Variants in BMPER observed in about 807,000 individuals in gnomAD.
BMPER encodes the protein BMP binding endothelial regulator, also known as BMP-binding endothelial regulator protein.
In BMPER, 45 loss-of-function variants were observed where a neutral mutation model predicts 87.3. That is an observed-to-expected ratio of 0.52 (90% CI 0.41 to 0.66). BMPER has a LOEUF of 0.66. BMPER is among the 30% of genes least tolerant of loss of function. The probability of loss-of-function intolerance (pLI) is 0.00; values close to 1 mark genes in which losing one functional copy is unlikely to be tolerated. For synonymous variants in BMPER, 326 were observed against 316.2 expected (o/e 1.03, Z -0.33); for missense variants, 784 against 867.5 (o/e 0.90, Z 1.21).
At chr7:34,006,254 A>G (rs1382687902) in intron 6 of BMPER, among the ~76,000 whole-genome samples, 1 of 152,112 alleles carries the variant, frequency 6.6e-6, no homozygotes, top group African/African-American at 2.4e-5. Context: ...AAATCTATAC[A>G]CAATGCTAAT....
chr7:34,103,516 T>C (rs1276442626), intron 13 of BMPER, among the ~76,000 whole-genome samples: 1 of 152,168 alleles, frequency 6.6e-6, no homozygotes, highest in South Asian at 2.1e-4. Context: ...CGAGAGAAGA[T>C]TGTTTTCCTC....
intron 2 of BMPER, among the ~76,000 whole-genome samples, chr7:33,911,710 AG>A: frequency 6.6e-6 from 1 of 152,202 alleles, no homozygotes; most frequent in East Asian, 1.9e-4. Context: ...TCATCTGGAG[AG>A]TGGGATGGAT....
At chr7:34,045,595 C>T (rs1007741564) in intron 6 of BMPER, among the ~76,000 whole-genome samples, 4 of 152,152 alleles carry the variant, frequency 2.6e-5, no homozygotes, top group African/African-American at 9.7e-5. Context: ...TCTGCCAGTT[C>T]GTCTCATATC....
intron 3 of BMPER, among the ~76,000 whole-genome samples, chr7:33,964,072 A>G (rs188460014): frequency 1.3e-4 from 20 of 152,360 alleles, no homozygotes; most frequent in East Asian, 3.9e-4. Flanking sequence ...TGGAGTACAT[A>G]TAAGGTTTTC....
At chr7:33,931,927 A>G (rs1030731645) in intron 2 of BMPER, among the ~76,000 whole-genome samples, 68 of 152,344 alleles carry the variant, frequency 4.5e-4, no homozygotes, top group African/African-American at 1.6e-3. Context: ...TCACTGTGCC[A>G]GAAGTTACAC....
intron 2 of BMPER, among the ~76,000 whole-genome samples, chr7:33,930,843 C>T (rs73317698): frequency 0.018 from 2,766 of 152,222 alleles, 81 homozygotes; most frequent in African/African-American, 0.063. Flanking sequence ...CCAGCTACTT[C>T]TGGAGGCTGA....
In BMPER at chr7:33,974,804, T is replaced by A. The variant is rs776906308; in HGVS notation, c.576+20T>A. 4 of 1,610,866 alleles carry A rather than the reference T, an allele frequency of 2.5e-6. No homozygotes were observed. The Admixed American group carries it at 5.0e-5, about 20-fold the overall frequency. On this transcript the variant is annotated intron_variant, in intron 6 of 14. Transcript: ENST00000649409. ...TGCACTGTAAGTCCTGCTGTGGATG[T>A]TCCCAGGGTGTCCTTTGGGCAAAGC... is the stretch of plus-strand genomic sequence containing the variant.
chr7:33,925,220 T>A (rs1159560701), intron 2 of BMPER, among the ~76,000 whole-genome samples: 1 of 152,194 alleles, frequency 6.6e-6, no homozygotes, highest in Non-Finnish European at 1.5e-5. Context: ...TGCCATTGGG[T>A]TTAATTTTTT....
At chr7:34,121,279 G>A (rs1243659088) in intron 13 of BMPER, among the ~76,000 whole-genome samples, 1 of 152,116 alleles carries the variant, frequency 6.6e-6, no homozygotes, top group African/African-American at 2.4e-5. Flanking sequence ...GGTATTTGTT[G>A]TATTACTGTC....
intron 6 of BMPER, among the ~76,000 whole-genome samples, chr7:34,024,635 T>G (rs1314651215): frequency 6.6e-6 from 1 of 151,380 alleles, no homozygotes; most frequent in Non-Finnish European, 1.5e-5. Context: ...TCTTTCTTGA[T>G]GTATCAGTTT....
intron 3 of BMPER, among the ~76,000 whole-genome samples, chr7:33,945,745 T>A (rs988081618): frequency 6.6e-6 from 1 of 152,192 alleles, no homozygotes; most frequent in Non-Finnish European, 1.5e-5. Context: ...CATTGCTGGA[T>A]ACCAAGTTAT....
At chr7:34,136,368 A>G (rs1306702848) in intron 13 of BMPER, among the ~76,000 whole-genome samples, 1 of 152,174 alleles carries the variant, frequency 6.6e-6, no homozygotes, top group Non-Finnish European at 1.5e-5. Context: ...ATTGGATGAC[A>G]TTGTTTTCAT....
At chr7:34,062,820 A>T (rs1788474271) in intron 11 of BMPER, among the ~76,000 whole-genome samples, 1 of 152,148 alleles carries the variant, frequency 6.6e-6, no homozygotes, top group Admixed American at 6.5e-5. Flanking sequence ...GTATAGTAAA[A>T]ATGCAGTATT....
chr7:33,910,040 C>G (rs1376904282), intron 2 of BMPER, among the ~76,000 whole-genome samples: 1 of 152,102 alleles, frequency 6.6e-6, no homozygotes, highest in Non-Finnish European at 1.5e-5. Context: ...GTGATGGAAT[C>G]TCGTTTTAAA....
At chr7:34,009,565 A>G (rs1270896668) in intron 6 of BMPER, among the ~76,000 whole-genome samples, 3 of 151,950 alleles carry the variant, frequency 2.0e-5, no homozygotes, top group Non-Finnish European at 4.4e-5. Context: ...ATATAATAAA[A>G]ACTAATGCTT....
At chr7:33,921,647 C>T (rs377358415) in intron 2 of BMPER, 14 of 437,642 alleles carry the variant, frequency 3.2e-5, no homozygotes, top group Middle Eastern at 3.8e-4. Context: ...CAGGCTGACC[C>T]GCTGGGCTGC....
chr7:34,139,714 CT>C lies in BMPER; in HGVS notation c.1746-3508del, dbSNP rs200307822. On this transcript the variant is annotated intron_variant, in intron 13 of 14. Transcript: ENST00000649409. ...TGAAACACAATTTTGTTATCCTTCT[CT>C]TTTTTTTCAGTTAATCCTTCCCAAA... is the stretch of plus-strand genomic sequence containing the variant. Among the ~76,000 whole-genome samples the C allele has an allele frequency of 4.8e-3, 737 of 152,098 alleles. 5 individuals carry two copies. The highest frequency in any genetic ancestry group is 0.016 in the African/African-American group (657 of 41,508).
intron 13 of BMPER, among the ~76,000 whole-genome samples, chr7:34,088,356 T>TA (rs1789279370): frequency 6.6e-6 from 1 of 152,206 alleles, no homozygotes; most frequent in South Asian, 2.1e-4. Flanking sequence ...TTCATGAACC[T>TA]GAAAGGGAGA....
At chr7:33,938,922 G>T (rs1784679741) in intron 3 of BMPER, among the ~76,000 whole-genome samples, 1 of 152,192 alleles carries the variant, frequency 6.6e-6, no homozygotes, top group Admixed American at 6.5e-5. Flanking sequence ...GTACTGGGGA[G>T]GCTGAAGCAG....
Sources: gnomAD v4.1 joint callset for allele counts (sites outside exome capture counted in the v4.1 genomes callset) on GRCh38, gnomAD v4.1.1 for gene constraint, MANE v1.5 for transcripts, NCBI Gene and HGNC (gene_info 2026-07-23, HGNC 2026-07-21) for gene names.